Variants in DIAPH3 observed in about 807,000 individuals in gnomAD.
DIAPH3 encodes the protein protein diaphanous homolog 3.
A neutral mutation model predicts 144.3 loss-of-function variants in DIAPH3; 117 were observed. The observed-to-expected ratio is 0.81, with a 90% CI of 0.70 to 0.95. DIAPH3 has a LOEUF of 0.95. Ranked by LOEUF, DIAPH3 falls within the 40% of genes least tolerant of loss-of-function variation. DIAPH3 has a pLI of 0.00. For missense variants in DIAPH3, 1,421 were observed against 1,412.7 expected (o/e 1.01, Z -0.09); for synonymous variants, 519 against 488.9 (o/e 1.06, Z -0.81).
At chr13:59,758,715 G>A (rs1372065022) in intron 27 of DIAPH3, among the ~76,000 whole-genome samples, 2 of 151,226 alleles carry the variant, frequency 1.3e-5, no homozygotes, top group African/African-American at 4.9e-5. Context: ...CTAAATCAAT[G>A]CAATACACAA....
At chr13:59,735,323 T>C (rs996727413) in intron 27 of DIAPH3, among the ~76,000 whole-genome samples, 3 of 152,138 alleles carry the variant, frequency 2.0e-5, no homozygotes, top group African/African-American at 4.8e-5. Context: ...ACCTGGTCAT[T>C]TGAAGGAAAA....
At chr13:59,887,308 A>C (rs1210765773) in intron 20 of DIAPH3, among the ~76,000 whole-genome samples, 1 of 152,000 alleles carries the variant, frequency 6.6e-6, no homozygotes, top group Non-Finnish European at 1.5e-5. Context: ...TGATGCAAAA[A>C]TATTTTGTTG....
chr13:59,791,616 T>C (rs1264867901), intron 25 of DIAPH3, among the ~76,000 whole-genome samples: 1 of 152,148 alleles, frequency 6.6e-6, no homozygotes, highest in Non-Finnish European at 1.5e-5. Context: ...TACATGAAAA[T>C]TGATAACTAT....
chr13:59,707,902 T>C (rs565686173), intron 27 of DIAPH3, among the ~76,000 whole-genome samples: 75 of 152,004 alleles, frequency 4.9e-4, no homozygotes, highest in Non-Finnish European at 1.0e-3. Context: ...AACAATTTAC[T>C]CATCTTTTTC....
chr13:59,936,111 A>AT (rs976467862), intron 17 of DIAPH3, among the ~76,000 whole-genome samples: 9 of 152,090 alleles, frequency 5.9e-5, no homozygotes, highest in Middle Eastern at 3.4e-3. Context: ...GTATATCTAG[A>AT]TTTTTTTTAG....
rs907831678 is a variant in DIAPH3 at position 59,812,389 on chromosome 13, GA to G, written c.3028-1467del. ...AATAGTATTGTTGTAAAGTAGGGGA[GA>G]AAAAAAAAGAGAGAGAGGAAAGGAA... On this transcript the variant is annotated intron_variant, in intron 24 of 27. Coordinates refer to ENST00000400324, the MANE Select transcript of DIAPH3 (RefSeq NM_001042517.2). Among the ~76,000 whole-genome samples the G allele has an allele frequency of 7.2e-4, 107 of 149,596 alleles. 1 individual carries two copies. Among genetic ancestry groups the G allele is most frequent in the Admixed American group, 2.6e-3 (39 of 15,030 alleles).
At chr13:59,924,721 C>A in intron 18 of DIAPH3, 54 bp downstream of exon 18, 1 of 1,567,222 alleles carries the variant, frequency 6.4e-7, no homozygotes, top group Non-Finnish European at 8.7e-7. Context: ...AAAATGAAAT[C>A]ATTTAAAGAA....
At chr13:59,771,021 G>A (rs1040393436) in intron 27 of DIAPH3, among the ~76,000 whole-genome samples, 1 of 152,154 alleles carries the variant, frequency 6.6e-6, no homozygotes, top group Admixed American at 6.6e-5. Flanking sequence ...ATAATTCAGT[G>A]CATGAGATGT....
chr13:60,131,047 G>C lies in DIAPH3; in HGVS notation c.213+1910C>G, dbSNP rs528714889. Among the ~76,000 whole-genome samples the C allele has an allele frequency of 3.0e-3, 455 of 152,172 alleles. 2 individuals carry two copies. The highest frequency in any genetic ancestry group is 9.6e-3 in the African/African-American group (399 of 41,508). On this transcript the variant is annotated intron_variant, in intron 2 of 27. Transcript: ENST00000400324. ...AAGGACTGTCATATAATGAAAATAA[G>C]GGCAGTGTTTGAAAGAGAAAAAAAT...
chr13:60,131,435 C>CAAAAAAA (rs777909368), intron 2 of DIAPH3, among the ~76,000 whole-genome samples: 10 of 29,294 alleles, frequency 3.4e-4, no homozygotes, highest in East Asian at 1.1e-3. Flanking sequence ...GACCCTGTCT[C>CAAAAAAA]AAAAAAAAAA....
At chr13:59,667,223 C>T (rs542280629) in intron 27 of DIAPH3, among the ~76,000 whole-genome samples, 1 of 152,298 alleles carries the variant, frequency 6.6e-6, no homozygotes, top group East Asian at 1.9e-4. Context: ...CTTTGCACTG[C>T]TCTATCCTTC....
chr13:59,796,176 C>A (rs341555), intron 25 of DIAPH3, among the ~76,000 whole-genome samples: 1 of 151,950 alleles, frequency 6.6e-6, no homozygotes, highest in Non-Finnish European at 1.5e-5. Context: ...GCTTATGGGG[C>A]GTAAATGGTG....
At chr13:59,816,626 T>G (rs1353744925) in intron 24 of DIAPH3, among the ~76,000 whole-genome samples, 1 of 151,796 alleles carries the variant, frequency 6.6e-6, no homozygotes, top group Non-Finnish European at 1.5e-5. Flanking sequence ...ATCTTTCATA[T>G]CCCTCCTTCT....
chr13:59,940,080 C>A (rs561806025), intron 17 of DIAPH3, among the ~76,000 whole-genome samples: 12 of 152,218 alleles, frequency 7.9e-5, no homozygotes, highest in Non-Finnish European at 1.6e-4. Flanking sequence ...TGCCCCCACT[C>A]CCCTAAACAA....
At position 59,879,362 on chromosome 13, in the gene DIAPH3, G is replaced by A. The variant is rs780132485; in HGVS notation, c.2474C>T (p.Thr825Ile). The A allele has an allele frequency of 2.7e-5, 44 of 1,613,774 alleles. No homozygotes were observed. The highest frequency in any genetic ancestry group is 3.6e-5 in the Non-Finnish European group (43 of 1,179,854). Residue 825 changes from threonine (T) to isoleucine (I), a missense_variant, in exon 21 of 28, where the codon ACT becomes ATT. By Grantham distance (89) the Thr-to-Ile change is moderately conservative. Coordinates refer to ENST00000400324, the MANE Select transcript of DIAPH3 (RefSeq NM_001042517.2). ...NIKPDIMAVS[T>I]ACEEIKKSKS... ...GCTCTTCTTTATCTCTTCGCAGGCA[G>A]TACTGACAGCCATGATGTCAGGTTT...
chr13:59,904,428 C>CT (rs1436472777), intron 20 of DIAPH3, among the ~76,000 whole-genome samples: 2 of 150,614 alleles, frequency 1.3e-5, no homozygotes, highest in African/African-American at 4.8e-5. Context: ...CGAAATGATA[C>CT]TTTTTTTAAA....
Position 59,810,848 on chromosome 13 carries a change from C to A in DIAPH3, c.3103G>T (p.Ala1035Ser). 6.2e-7 allele frequency: 1 copy of A among 1,613,616 alleles called. No homozygotes were observed. Among genetic ancestry groups the A allele is most frequent in the Non-Finnish European group, 8.5e-7 (1 of 1,179,918 alleles). The stretch of plus-strand genomic sequence containing the variant: ...TGGCGTTCGAGTCTTTCTCGCTCTG[C>A]TAATTCTTTAGCTATTCTGACACGT... Reference protein sequence around the residue: ...EKRVRIAKELAERERLERQQK... With the variant: ...EKRVRIAKELSERERLERQQK... The change falls in exon 25 of 28, where the codon GCA becomes TCA. Residue 1035 changes from alanine to serine, a missense_variant. Physicochemically the swap from Ala to Ser is moderately conservative, Grantham distance 99. Transcript: ENST00000400324.
intron 4 of DIAPH3, among the ~76,000 whole-genome samples, chr13:60,075,247 T>C (rs573715893): frequency 5.3e-5 from 8 of 152,326 alleles, no homozygotes; most frequent in Admixed American, 4.6e-4. Context: ...AAATTGCCTA[T>C]TGACATGAAA....
intron 27 of DIAPH3, among the ~76,000 whole-genome samples, chr13:59,673,903 T>G (rs2032508096): frequency 6.6e-6 from 1 of 152,182 alleles, no homozygotes; most frequent in Non-Finnish European, 1.5e-5. Context: ...TGTTTCTGAT[T>G]TGTATTCTTT....
Sources: gnomAD v4.1 joint callset for allele counts (sites outside exome capture counted in the v4.1 genomes callset) on GRCh38, gnomAD v4.1.1 for gene constraint, MANE v1.5 for transcripts, NCBI Gene and HGNC (gene_info 2026-07-23, HGNC 2026-07-21) for gene names.